DDOST: variants seen among roughly 807,000 people sequenced by gnomAD.
DDOST encodes the protein dolichyl-diphosphooligosaccharide--protein glycosyltransferase 48 kDa subunit.
Under a neutral mutation model 47.6 loss-of-function variants are expected in DDOST, and 25 were observed. That is an observed-to-expected ratio of 0.53 (90% CI 0.38 to 0.73). The LOEUF (loss-of-function observed/expected upper bound fraction) is 0.73. Among genes scored for constraint, DDOST ranks in the 30% least tolerant of loss-of-function variants. The probability of loss-of-function intolerance (pLI) is 0.00; values close to 1 mark genes in which losing one functional copy is unlikely to be tolerated. For missense variants in DDOST, 526 were observed against 573.9 expected, an observed-to-expected ratio of 0.92 and a Z score of 0.85; for synonymous variants, 275 against 236.0, an observed-to-expected ratio of 1.17 and a Z score of -1.51.
At position 20,661,248 on chromosome 1, in the gene DDOST, C is replaced by G; in HGVS notation, c.103G>C (p.Asp35His). Residue 35 changes from aspartate (D) to histidine (H), a missense_variant, in exon 1 of 11, where the codon GAC (aspartate) becomes CAC (histidine). By Grantham distance (81) the Asp-to-His change is moderately conservative. Transcript: ENST00000602624. ...ASGPRTLVLL[D>H]NLNVRETHSL... ...TGAGTCTCCCGCACGTTGAGGTTGT[C>G]CAGCAGCACTAAGGTGCGGGGTCCG... 6.2e-7 allele frequency: 1 copy of G among 1,614,072 alleles called. No individual in the cohort carries two copies.
At chr1:20,656,285 C>A in intron 2 of DDOST, 98 bp from the exon 3 acceptor site, 1 of 914,270 alleles carries the variant, frequency 1.1e-6, no homozygotes, top group Non-Finnish European at 1.8e-6. Flanking sequence ...CAGCCACGAT[C>A]ACTCACAGAG....
At chr1:20,653,052 C>G in intron 8 of DDOST, 81 bp from the exon 9 acceptor site, 3 of 1,573,622 alleles carry the variant, frequency 1.9e-6, no homozygotes, top group Non-Finnish European at 2.6e-6. Flanking sequence ...GCACTTAATT[C>G]CCACCCGACG....
At chr1:20,654,769 C>T (rs2053349501) in intron 5 of DDOST, 62 bp from the exon 6 acceptor site, 2 of 1,094,168 alleles carry the variant, frequency 1.8e-6, no homozygotes, top group Non-Finnish European at 2.7e-6. Flanking sequence ...GACATGGGAT[C>T]CCCGAGAGCC....
intron 7 of DDOST, 25 bp downstream of exon 7, chr1:20,654,198 G>C: frequency 6.5e-7 from 1 of 1,549,704 alleles, no homozygotes. Flanking sequence ...CCGGATCCCC[G>C]GCCCCTAAGC....
chr1:20,658,719 C>G (rs113683793), intron 2 of DDOST, among the ~76,000 whole-genome samples: 2 of 152,170 alleles, frequency 1.3e-5, no homozygotes, highest in African/African-American at 4.8e-5. Context: ...CTAGAACTTA[C>G]GGGTGTTGTT....
intron 5 of DDOST, among the ~76,000 whole-genome samples, chr1:20,655,184 T>TTG (rs1314440822): frequency 8.7e-5 from 13 of 150,152 alleles, no homozygotes; most frequent in South Asian, 6.4e-4. Flanking sequence ...TTTTTTTTTT[T>TTG]TTTTTTTTTT....
chr1:20,660,369 C>T (rs1056373598), intron 2 of DDOST: 1 of 153,276 alleles, frequency 6.5e-6, no homozygotes, highest in African/African-American at 2.4e-5. Flanking sequence ...AAACGACTAG[C>T]CCACTGCAAG....
At position 20,656,126 on chromosome 1, in the gene DDOST, C is replaced by T; in HGVS notation, c.327G>A (p.Val109=). Residue 109 remains valine, a synonymous_variant, in exon 3 of 11, where the codon GTG becomes GTA. Transcript: ENST00000602624. ...ISAFIDGGGS[V]LVAASSDIGD... is the part of the protein sequence containing the mutation. ...CAATGTCGGAGCTGGCAGCTACCAG[C>T]ACACTGCCTCCGCCGTCAATAAAGG... is the stretch of plus-strand genomic sequence containing the variant. 1.9e-6 allele frequency: 3 copies of T among 1,614,140 alleles called. No individual in the cohort carries two copies. Among genetic ancestry groups the T allele is most frequent in the Non-Finnish European group, 2.5e-6 (3 of 1,179,936 alleles).
In DDOST at chr1:20,656,089, G is replaced by A; in HGVS notation, c.352+12C>T. The A allele has an allele frequency of 6.2e-7, 1 of 1,609,772 alleles. No homozygotes were observed. Among genetic ancestry groups the A allele is most frequent in the South Asian group, 1.1e-5 (1 of 91,012 alleles). On this transcript the variant is annotated intron_variant, in intron 3 of 10. Coordinates refer to ENST00000602624, the MANE Select transcript of DDOST (RefSeq NM_005216.5). ...AAGTGGAAAGCACCAGAACCTCCCAGGTCGGACTCACCAATGTCGGAGCTG... is the reference window on the plus strand; with the variant it reads ...AAGTGGAAAGCACCAGAACCTCCCAAGTCGGACTCACCAATGTCGGAGCTG...
At position 20,660,977 on chromosome 1, in the gene DDOST, G is replaced by C. The variant is rs780562028; in HGVS notation, c.169C>G (p.Leu57Val). Residue 57 changes from leucine (L) to valine (V), a missense_variant, in exon 2 of 11, where the codon CTC becomes GTC. Leu to Val is a conservative substitution (Grantham distance 32). Coordinates refer to ENST00000602624, the MANE Select transcript of DDOST (RefSeq NM_005216.5). ...FRSLKDRGFE[L>V]TFKTADDPSL... Reference sequence around the variant, plus strand: ...GGGTCATCAGCGGTCTTGAATGTGAGCTCAAAGCCCCGGTCTGGACAAGAA... The same window carrying C: ...GGGTCATCAGCGGTCTTGAATGTGACCTCAAAGCCCCGGTCTGGACAAGAA... The C allele has an allele frequency of 1.2e-6, 2 of 1,613,148 alleles. No homozygotes were observed. Among genetic ancestry groups the C allele is most frequent in the South Asian group, 2.2e-5 (2 of 91,058 alleles).
intron 4 of DDOST, 53 bp downstream of exon 4, chr1:20,655,623 A>G: frequency 6.2e-7 from 1 of 1,601,320 alleles, no homozygotes. Flanking sequence ...CTTTTGGCTA[A>G]GCAGAGCTTT....
At chr1:20,660,119 G>T (rs1392931909) in intron 2 of DDOST, among the ~76,000 whole-genome samples, 1 of 152,162 alleles carries the variant, frequency 6.6e-6, no homozygotes, top group Non-Finnish European at 1.5e-5. Context: ...GGGATGTTCA[G>T]TCTGGAGGAG....
At chr1:20,655,186 T>TGG (rs1490268283) in intron 5 of DDOST, among the ~76,000 whole-genome samples, 2 of 148,724 alleles carry the variant, frequency 1.3e-5, no homozygotes, top group Non-Finnish European at 3.0e-5. Flanking sequence ...TTTTTTTTTT[T>TGG]TTTTTTTTTA....
intron 2 of DDOST, 179 bp downstream of exon 2, chr1:20,660,702 G>A (rs1412110447): frequency 3.6e-6 from 2 of 548,314 alleles, no homozygotes; most frequent in South Asian, 2.2e-5. Context: ...GTTTCTTTTA[G>A]AAAGATGTAC....
At chr1:20,661,054 C>T (rs1018203357) in intron 1 of DDOST, 63 bp from the exon 2 acceptor site, 7 of 1,482,350 alleles carry the variant, frequency 4.7e-6, no homozygotes, top group Non-Finnish European at 6.6e-6. Context: ...CTGCTGCAGA[C>T]ATCGCGGACC....
chr1:20,661,069 C>T, intron 1 of DDOST, 78 bp from the exon 2 acceptor site: 1 of 1,474,818 alleles, frequency 6.8e-7, no homozygotes. Context: ...CGGACCCGCA[C>T]GCCAAGCGGC....
intron 9 of DDOST, 55 bp from the exon 10 acceptor site, chr1:20,652,782 T>C: frequency 1.2e-6 from 2 of 1,610,800 alleles, no homozygotes; most frequent in Non-Finnish European, 1.7e-6. Context: ...CTTTTCCTGG[T>C]TGGGCCTCGA....
intron 7 of DDOST, 101 bp from the exon 8 acceptor site, chr1:20,653,875 A>C: frequency 7.1e-7 from 1 of 1,418,300 alleles, no homozygotes. Context: ...TACCCTAGCG[A>C]AGTTCTGCCT....
rs761733911 is a variant in DDOST at position 20,652,983 on chromosome 1, G to GGCCAGGTTA, written c.943-21_943-13dup. 5 of 1,613,952 alleles carry GGCCAGGTTA rather than the reference G, an allele frequency of 3.1e-6. No individual in the cohort carries two copies. In the African/African-American group the frequency reaches 5.3e-5, roughly 17 times the overall value. On this transcript the variant is annotated splice_polypyrimidine_tract_variant and intron_variant, in intron 8 of 10. Coordinates refer to ENST00000602624, the MANE Select transcript of DDOST (RefSeq NM_005216.5). The stretch of plus-strand genomic sequence containing the variant: ...ACGATGCTATACTCCTGAGATAAAA[G>GGCCAGGTTA]GCCAGGTTAGCCAGGGCTGGCCATG...
Sources: gnomAD v4.1 joint callset for allele counts (sites outside exome capture counted in the v4.1 genomes callset) on GRCh38, gnomAD v4.1.1 for gene constraint, MANE v1.5 for transcripts, NCBI Gene and HGNC (gene_info 2026-07-23, HGNC 2026-07-21) for gene names.